STMN1: variants seen among roughly 807,000 people sequenced by gnomAD.
STMN1 encodes the protein stathmin.
In STMN1, 3 loss-of-function variants were observed where a neutral mutation model predicts 19.7. That is an observed-to-expected ratio of 0.15 (90% CI 0.07 to 0.39). The LOEUF is 0.39. Ranked by LOEUF, STMN1 falls within the 10% of genes least tolerant of loss-of-function variation. The pLI, the probability that STMN1 is intolerant of heterozygous loss-of-function variation, is 1.00. For synonymous variants in STMN1, 59 were observed against 58.9 expected (o/e 1.00, Z -0.01); for missense variants, 99 against 176.0 (o/e 0.56, Z 2.48).
At chr1:25,899,652 G>C (rs1253343187), downstream of STMN1, among the ~76,000 whole-genome samples, 1 of 152,138 alleles carries the variant, frequency 6.6e-6, no homozygotes, top group Non-Finnish European at 1.5e-5. Context: ...CAGTAATCGT[G>C]ATTTATACGG....
intron 4 of STMN1, chr1:25,892,529 T>TA: frequency 3.0e-6 from 3 of 985,236 alleles, no homozygotes; most frequent in Non-Finnish European, 3.6e-6. Flanking sequence ...ATTCCTTCTT[T>TA]AAACAGGGAG....
At chr1:25,895,457 T>A (rs974349515), downstream of STMN1, among the ~76,000 whole-genome samples, 3 of 152,068 alleles carry the variant, frequency 2.0e-5, no homozygotes, top group Non-Finnish European at 4.4e-5. Flanking sequence ...AGTGATGGAG[T>A]TACTAGTCTC....
Position 25,904,664 on chromosome 1 carries a change from C to A in STMN1, c.13G>T (p.Asp5Tyr). Reference protein sequence around the residue: MASSDIQVKELEKRA... With the variant: MASSYIQVKELEKRA... ...CAGATTTTCCAAATAGATTACCTAC[C>A]AGAAGAAGCCATGGTGAATAGAAGA... is the stretch of plus-strand genomic sequence containing the variant. Residue 5 changes from aspartate (D) to tyrosine (Y), a missense_variant and splice_region_variant, in exon 2 of 5, where the codon GAT becomes TAT. By Grantham distance (160) the Asp-to-Tyr change is radical. Transcript: ENST00000455785. 6.2e-7 allele frequency: 1 copy of A among 1,613,514 alleles called. No homozygotes were observed. Among genetic ancestry groups the A allele is most frequent in the Non-Finnish European group, 8.5e-7 (1 of 1,179,718 alleles).
At chr1:25,901,747 C>A in intron 3 of STMN1, 65 bp from the exon 4 acceptor site, 1 of 1,487,148 alleles carries the variant, frequency 6.7e-7, no homozygotes, top group East Asian at 2.4e-5. Context: ...TGGTGGCTCA[C>A]GCCTGTAATC....
At chr1:25,890,210 CAGA>C (rs1257452124) in intron 4 of STMN1, among the ~76,000 whole-genome samples, 1 of 152,114 alleles carries the variant, frequency 6.6e-6, no homozygotes, top group Admixed American at 6.6e-5. Context: ...AAAGAGAAAG[CAGA>C]AGAAGGAGCT....
downstream of STMN1, among the ~76,000 whole-genome samples, chr1:25,897,638 T>A (rs1295818968): frequency 1.3e-5 from 2 of 152,090 alleles, no homozygotes; most frequent in African/African-American, 4.8e-5. Flanking sequence ...TGCTGAGACT[T>A]GTGAGCAGGT....
chr1:25,885,926 AG>A, intron 4 of STMN1: 6 of 1,488,942 alleles, frequency 4.0e-6, no homozygotes, highest in Non-Finnish European at 5.4e-6. Context: ...AAGGGACAGG[AG>A]GTGGAGGGGC....
intron 4 of STMN1, chr1:25,892,623 C>A: frequency 1.0e-6 from 1 of 984,804 alleles, no homozygotes; most frequent in Non-Finnish European, 1.2e-6. Flanking sequence ...TCTAAACAAC[C>A]GCCTCCCTAC....
downstream of STMN1, among the ~76,000 whole-genome samples, chr1:25,895,867 T>C (rs2048814729): frequency 6.6e-6 from 1 of 152,216 alleles, no homozygotes; most frequent in African/African-American, 2.4e-5. Context: ...CTTCATTTGC[T>C]TCTAGAAAAT....
intron 4 of STMN1, among the ~76,000 whole-genome samples, chr1:25,890,713 C>A (rs1257376965): frequency 6.6e-6 from 1 of 152,202 alleles, no homozygotes; most frequent in East Asian, 1.9e-4. Flanking sequence ...CTACTCATTT[C>A]ATCCGTAGGT....
intron 4 of STMN1, chr1:25,892,660 G>A (rs547670692): frequency 1.8e-5 from 17 of 954,726 alleles, no homozygotes; most frequent in Middle Eastern, 5.3e-4. Context: ...AGCCTGCTGG[G>A]CCTCTAAACC....
intron 4 of STMN1, among the ~76,000 whole-genome samples, chr1:25,891,058 C>CTCATTTAAGGATTCAATCAG (rs1303323448): frequency 2.0e-5 from 3 of 152,172 alleles, no homozygotes. Flanking sequence ...CGGGGCCGGG[C>CTCATTTAAGGATTCAATCAG]ACAGCAGCTC....
downstream of STMN1, chr1:25,900,033 A>G: frequency 1.1e-6 from 1 of 949,578 alleles, no homozygotes; most frequent in Non-Finnish European, 1.3e-6. Context: ...TGGATACAAG[A>G]TGACGTATCT....
chr1:25,884,751 G>A (rs1273901460), downstream of STMN1: 1 of 152,918 alleles, frequency 6.5e-6, no homozygotes, highest in Non-Finnish European at 1.5e-5. Context: ...AGAAATAAAG[G>A]GCCTTGCCAA....
intron 4 of STMN1, among the ~76,000 whole-genome samples, chr1:25,892,049 C>A (rs2048780461): frequency 6.6e-6 from 1 of 152,208 alleles, no homozygotes; most frequent in Non-Finnish European, 1.5e-5. Context: ...AATCTCTGCC[C>A]ATTCTTATGC....
chr1:25,896,032 A>C (rs190581654), downstream of STMN1, among the ~76,000 whole-genome samples: 538 of 152,318 alleles, frequency 3.5e-3, 6 homozygotes, highest in Non-Finnish European at 3.7e-3. Context: ...TGACAGGAGG[A>C]GTCCCTGTTT....
At chr1:25,899,727 TAGG>T (rs2048850889), downstream of STMN1, among the ~76,000 whole-genome samples, 2 of 151,994 alleles carry the variant, frequency 1.3e-5, no homozygotes, top group South Asian at 4.1e-4. Context: ...CTAACAATCT[TAGG>T]AGGTAAGTTG....
upstream of STMN1, chr1:25,906,776 G>C (rs1467642823): frequency 1.3e-5 from 2 of 152,718 alleles, no homozygotes; most frequent in East Asian, 1.9e-4. The surrounding 1 kb of genome is among the most constrained non-coding windows in gnomAD (Gnocchi z 4.5). Context: ...GGGCGGGGGG[G>C]TCCTTCCCTA....
At chr1:25,895,834 C>T (rs1572297522), downstream of STMN1, among the ~76,000 whole-genome samples, 1 of 152,324 alleles carries the variant, frequency 6.6e-6, no homozygotes, top group East Asian at 1.9e-4. Context: ...ACCTCAGAGC[C>T]ATCTGCAAAG....
Sources: allele counts gnomAD v4.1 joint callset (sites outside exome capture counted in the v4.1 genomes callset), GRCh38; gene constraint gnomAD v4.1.1; non-coding constraint Gnocchi (gnomAD v3.1); transcripts MANE v1.5; gene names NCBI Gene and HGNC (gene_info 2026-07-23, HGNC 2026-07-21).